CSMD1: variants seen among roughly 807,000 people sequenced by gnomAD.
The protein encoded by CSMD1 is CUB and Sushi multiple domains 1, also known as CUB and sushi domain-containing protein 1.
Under a neutral mutation model 417.5 loss-of-function variants are expected in CSMD1, and 213 were observed. The ratio of observed to expected loss-of-function variants is 0.51; its 90% CI spans 0.46 to 0.57. The LOEUF (loss-of-function observed/expected upper bound fraction) is 0.57. Ranked by LOEUF, CSMD1 falls within the 20% of genes least tolerant of loss-of-function variation. The pLI, the probability that CSMD1 is intolerant of heterozygous loss-of-function variation, is 0.00. For synonymous variants in CSMD1, 2,862 were observed against 1,736.8 expected (o/e 1.65, Z -16.11); for missense variants, 6,923 against 4,529.7 (o/e 1.53, Z -15.17).
At chr8:3,574,269 C>A (rs1416763396) in intron 10 of CSMD1, among the ~76,000 whole-genome samples, 1 of 152,214 alleles carries the variant, frequency 6.6e-6, no homozygotes, top group African/African-American at 2.4e-5. Context: ...GATATGGAGT[C>A]TTGCTCTGTC....
At chr8:4,025,478 A>G (rs753990431) in intron 4 of CSMD1, among the ~76,000 whole-genome samples, 1 of 152,250 alleles carries the variant, frequency 6.6e-6, no homozygotes, top group African/African-American at 2.4e-5. Context: ...CAAATTAAGA[A>G]GGCATTTAAA....
intron 5 of CSMD1, among the ~76,000 whole-genome samples, chr8:3,906,848 T>A (rs1176615406): frequency 1.3e-5 from 2 of 152,168 alleles, no homozygotes; most frequent in Non-Finnish European, 2.9e-5. Context: ...AGCATTGTCA[T>A]TTTGTACATA....
chr8:4,033,975 C>G (rs1797489189), intron 3 of CSMD1, among the ~76,000 whole-genome samples: 1 of 152,134 alleles, frequency 6.6e-6, no homozygotes, highest in African/African-American at 2.4e-5. Context: ...TTCAAGTAAG[C>G]TATGAAACTT....
At chr8:3,882,292 A>C (rs1806259616) in intron 5 of CSMD1, among the ~76,000 whole-genome samples, 1 of 152,218 alleles carries the variant, frequency 6.6e-6, no homozygotes, top group African/African-American at 2.4e-5. Flanking sequence ...CAATAAACAC[A>C]CAAAGTCATT....
chr8:4,564,034 A>G (rs1444023008), intron 2 of CSMD1, among the ~76,000 whole-genome samples: 1 of 152,196 alleles, frequency 6.6e-6, no homozygotes, highest in Non-Finnish European at 1.5e-5. Flanking sequence ...AACTCATGGA[A>G]GCCCAGTTAG....
At chr8:3,750,843 A>T (rs960384368) in intron 6 of CSMD1, among the ~76,000 whole-genome samples, 3 of 152,178 alleles carry the variant, frequency 2.0e-5, no homozygotes, top group Non-Finnish European at 4.4e-5. Flanking sequence ...AGAATCAGCA[A>T]CAGCAACCAT....
At chr8:3,366,838 C>T (rs796840940) in intron 20 of CSMD1, among the ~76,000 whole-genome samples, 194 bp downstream of exon 20, 14 of 152,258 alleles carry the variant, frequency 9.2e-5, no homozygotes, top group African/African-American at 2.6e-4. Context: ...TTTCTGGATG[C>T]CACATAACTG....
intron 7 of CSMD1, among the ~76,000 whole-genome samples, chr8:3,667,736 T>G (rs1160784625): frequency 6.6e-6 from 1 of 152,168 alleles, no homozygotes; most frequent in Non-Finnish European, 1.5e-5. Context: ...TTAGAGAAAG[T>G]AAACAAGAGT....
chr8:3,447,616 C>T (rs537009629), intron 12 of CSMD1, among the ~76,000 whole-genome samples: 16 of 152,280 alleles, frequency 1.1e-4, no homozygotes, highest in Non-Finnish European at 2.1e-4. Context: ...CACATGTGAT[C>T]ATTTGGCTTC....
intron 43 of CSMD1, among the ~76,000 whole-genome samples, chr8:3,109,379 T>C (rs950925290): frequency 6.6e-6 from 1 of 152,234 alleles, no homozygotes; most frequent in African/African-American, 2.4e-5. Flanking sequence ...TGTTTTGTTT[T>C]GGTTTTAAAA....
chr8:4,488,084 A>C (rs1402564748), intron 2 of CSMD1, among the ~76,000 whole-genome samples: 1 of 152,216 alleles, frequency 6.6e-6, no homozygotes. Flanking sequence ...GTGAGGACAC[A>C]GCTAGAAGGC....
At chr8:3,602,650 A>G (rs373496299) in intron 8 of CSMD1, among the ~76,000 whole-genome samples, 89 of 152,180 alleles carry the variant, frequency 5.8e-4, no homozygotes, top group African/African-American at 2.0e-3. Context: ...ACAGGGTGTT[A>G]TAATTCTAAT....
chr8:4,515,530 A>C (rs17415732), intron 2 of CSMD1, among the ~76,000 whole-genome samples: 1 of 152,184 alleles, frequency 6.6e-6, no homozygotes, highest in Non-Finnish European at 1.5e-5. Context: ...AACTTCATAC[A>C]GTTATTCAAA....
chr8:4,699,852 T>C (rs1807399052), intron 1 of CSMD1, among the ~76,000 whole-genome samples: 1 of 152,158 alleles, frequency 6.6e-6, no homozygotes. Flanking sequence ...AGATTGACAA[T>C]ACTGCGAGCA....
chr8:4,673,716 T>G (rs1805496900), intron 1 of CSMD1, among the ~76,000 whole-genome samples: 1 of 152,180 alleles, frequency 6.6e-6, no homozygotes, highest in African/African-American at 2.4e-5. Flanking sequence ...GCTGGTCAAT[T>G]AAATCTTGAC....
chr8:3,422,719 G>C (rs1813573640), intron 12 of CSMD1, among the ~76,000 whole-genome samples: 1 of 152,166 alleles, frequency 6.6e-6, no homozygotes, highest in Non-Finnish European at 1.5e-5. Flanking sequence ...TAGTCCCCTT[G>C]TGCTGCGATA....
At chr8:3,286,668 G>T (rs768665087) in intron 25 of CSMD1, among the ~76,000 whole-genome samples, 1 of 128,694 alleles carries the variant, frequency 7.8e-6, no homozygotes. Flanking sequence ...ACTTATTGAA[G>T]GGGTTGTTTT....
In CSMD1 at chr8:4,033,986, A is replaced by T. The variant is rs568986262; in HGVS notation, c.416-1887T>A. Among the ~76,000 whole-genome samples the T allele has an allele frequency of 2.0e-5, 3 of 152,326 alleles. No homozygotes were observed. In the East Asian group the frequency reaches 5.8e-4, roughly 29 times the overall value. On this transcript the variant is annotated intron_variant, in intron 3 of 69. Coordinates refer to ENST00000635120, the MANE Select transcript of CSMD1 (RefSeq NM_033225.6). ...AGTATTCAAGTAAGCTATGAAACTT[A>T]CTAGTAGAGAAATACAAACACTTCC... is the stretch of plus-strand genomic sequence containing the variant.
chr8:4,703,725 A>C (rs966208567), intron 1 of CSMD1, among the ~76,000 whole-genome samples: 1 of 152,210 alleles, frequency 6.6e-6, no homozygotes, highest in Admixed American at 6.5e-5. Flanking sequence ...CTTTAAAAAA[A>C]ATCTTAAAGT....
Sources: gnomAD v4.1 joint callset for allele counts (sites outside exome capture counted in the v4.1 genomes callset) on GRCh38, gnomAD v4.1.1 for gene constraint, MANE v1.5 for transcripts, NCBI Gene and HGNC (gene_info 2026-07-23, HGNC 2026-07-21) for gene names.